Variants in TBL1XR1 observed in about 807,000 individuals in gnomAD.
The protein encoded by TBL1XR1 is TBL1X/Y related 1, also known as F-box-like/WD repeat-containing protein TBL1XR1.
A neutral mutation model predicts 66.9 loss-of-function variants in TBL1XR1; 5 were observed. The ratio of observed to expected loss-of-function variants is 0.07; its 90% confidence interval spans 0.04 to 0.16. The LOEUF (loss-of-function observed/expected upper bound fraction) is 0.16. Ranked by LOEUF, TBL1XR1 falls within the 10% of genes least tolerant of loss-of-function variation. TBL1XR1 has a pLI of 1.00. For synonymous variants in TBL1XR1, 210 were observed against 206.0 expected, an observed-to-expected ratio of 1.02 and a Z score of -0.17; for missense variants, 238 against 623.2, an observed-to-expected ratio of 0.38 and a Z score of 6.58.
intron 7 of TBL1XR1, 150 bp downstream of exon 7, chr3:177,049,847 G>C (rs1321146536): frequency 2.2e-5 from 17 of 769,746 alleles, no homozygotes; most frequent in Non-Finnish European, 3.1e-5. Context: ...CAGTGGGGGA[G>C]AGGGCTGGCA....
chr3:177,082,738 T>TTATATATATATATATATATATG (rs1721569104), intron 2 of TBL1XR1, among the ~76,000 whole-genome samples: 4 of 63,246 alleles, frequency 6.3e-5, no homozygotes, highest in Non-Finnish European at 1.2e-4. Flanking sequence ...AAGATAGAGA[T>TTATATATATATATATATATATG]TATATATATA....
chr3:177,173,232 T>G (rs573142642), intron 1 of TBL1XR1, among the ~76,000 whole-genome samples: 1 of 152,252 alleles, frequency 6.6e-6, no homozygotes, highest in South Asian at 2.1e-4. Flanking sequence ...TTAATTACCG[T>G]GGTGATTTTA....
At chr3:177,182,615 T>C (rs952141146) in intron 1 of TBL1XR1, among the ~76,000 whole-genome samples, 5 of 152,240 alleles carry the variant, frequency 3.3e-5, no homozygotes, top group Non-Finnish European at 5.9e-5. Flanking sequence ...AGGGTCAAGA[T>C]GGGTGAGAGA....
chr3:177,066,756 G>A (rs996989136), intron 2 of TBL1XR1, among the ~76,000 whole-genome samples: 1 of 152,126 alleles, frequency 6.6e-6, no homozygotes, highest in Non-Finnish European at 1.5e-5. Flanking sequence ...GTAACTGACT[G>A]GATGCATAGT....
At chr3:177,070,850 A>G (rs1560140492) in intron 2 of TBL1XR1, among the ~76,000 whole-genome samples, 1 of 138,126 alleles carries the variant, frequency 7.2e-6, no homozygotes, top group African/African-American at 2.7e-5. Context: ...CGTCTCAAAA[A>G]AAAAATAAAT....
chr3:177,154,144 A>C (rs1307363771), intron 1 of TBL1XR1, among the ~76,000 whole-genome samples: 1 of 152,114 alleles, frequency 6.6e-6, no homozygotes, highest in Non-Finnish European at 1.5e-5. Context: ...TCCTGTTTAA[A>C]AGAATCCCAT....
At chr3:177,105,392 G>A (rs1268665411) in intron 1 of TBL1XR1, among the ~76,000 whole-genome samples, 1 of 152,076 alleles carries the variant, frequency 6.6e-6, no homozygotes, top group Non-Finnish European at 1.5e-5. Context: ...CAGCAACGAA[G>A]ATCTAAGAAA....
chr3:177,158,732 G>A (rs563774088), intron 1 of TBL1XR1, among the ~76,000 whole-genome samples: 1 of 152,242 alleles, frequency 6.6e-6, no homozygotes, highest in East Asian at 1.9e-4. Context: ...CATCTGTGGC[G>A]CTTTAGGGAT....
At chr3:177,108,046 CAG>C (rs922476277) in intron 1 of TBL1XR1, among the ~76,000 whole-genome samples, 2 of 151,654 alleles carry the variant, frequency 1.3e-5, no homozygotes, top group Non-Finnish European at 2.9e-5. Flanking sequence ...GATAACACAC[CAG>C]ATATGGTCCA....
rs1384854547 is a variant in TBL1XR1 at position 177,051,593 on chromosome 3, G to GCTGCGGCAT, written c.337_338insATGCCGCAG (p.Ala112_Ala113insAspAlaAla). 1 of 1,613,502 alleles carries GCTGCGGCAT rather than the reference G, an allele frequency of 6.2e-7. No homozygotes were observed. Among genetic ancestry groups the GCTGCGGCAT allele is most frequent in the Admixed American group, 1.7e-5 (1 of 59,986 alleles). On this transcript the variant is annotated inframe_insertion, in exon 5 of 16. Coordinates refer to ENST00000457928, the MANE Select transcript of TBL1XR1 (RefSeq NM_024665.7). ...TTGTTGGCTGGCTGCAGCTGCGGCA[G>GCTGCGGCAT]CTGCAGCAGCTGCTGCCTGTTGCTG...
At chr3:177,193,855 A>C (rs1310547244) in intron 1 of TBL1XR1, among the ~76,000 whole-genome samples, 3 of 152,204 alleles carry the variant, frequency 2.0e-5, no homozygotes, top group African/African-American at 7.2e-5. Flanking sequence ...GTGTTCATTT[A>C]ATAATTTTGT....
intron 2 of TBL1XR1, among the ~76,000 whole-genome samples, chr3:177,076,556 A>G (rs561117776): frequency 2.0e-5 from 3 of 152,316 alleles, no homozygotes; most frequent in Admixed American, 6.5e-5. Context: ...AATTCAATCT[A>G]TAACAGTCAC....
intron 1 of TBL1XR1, among the ~76,000 whole-genome samples, chr3:177,132,073 C>A (rs1008164986): frequency 1.3e-5 from 2 of 152,158 alleles, no homozygotes; most frequent in Non-Finnish European, 2.9e-5. Flanking sequence ...AACCATGAAT[C>A]CCAAGAGCTA....
At chr3:177,052,049 G>C (rs1255804274) in intron 4 of TBL1XR1, among the ~76,000 whole-genome samples, 1 of 152,178 alleles carries the variant, frequency 6.6e-6, no homozygotes, top group Non-Finnish European at 1.5e-5. Flanking sequence ...AATTCTGTTA[G>C]TCAAAGCAAC....
chr3:177,193,091 T>G (rs939915059), intron 1 of TBL1XR1, among the ~76,000 whole-genome samples: 2 of 151,590 alleles, frequency 1.3e-5, no homozygotes, highest in African/African-American at 4.9e-5. Flanking sequence ...AGGCGGAGGT[T>G]GCAGTGAGCC....
chr3:177,050,759 A>G (rs1716956329), intron 5 of TBL1XR1, 149 bp from the exon 6 acceptor site: 2 of 482,442 alleles, frequency 4.1e-6, no homozygotes, highest in Admixed American at 5.2e-5. Context: ...ATGACTACAC[A>G]GTCTTAGTCA....
intron 1 of TBL1XR1, among the ~76,000 whole-genome samples, chr3:177,132,330 A>G (rs1728402242): frequency 6.6e-6 from 1 of 152,184 alleles, no homozygotes; most frequent in Admixed American, 6.5e-5. Context: ...ATATGGCCCT[A>G]CAGAAGGGGG....
chr3:177,038,522 A>C, intron 10 of TBL1XR1, 88 bp from the exon 11 acceptor site: 1 of 1,287,804 alleles, frequency 7.8e-7, no homozygotes, highest in Non-Finnish European at 1.0e-6. Context: ...TGACTAATAA[A>C]ATATACTAAC....
chr3:177,080,888 T>C (rs950956293), intron 2 of TBL1XR1, among the ~76,000 whole-genome samples: 1 of 152,240 alleles, frequency 6.6e-6, no homozygotes. Flanking sequence ...TGTTCCTTTA[T>C]ACTTCATTGC....
Sources: allele counts gnomAD v4.1 joint callset (sites outside exome capture counted in the v4.1 genomes callset), GRCh38; gene constraint gnomAD v4.1.1; transcripts MANE v1.5; gene names NCBI Gene and HGNC (gene_info 2026-07-23, HGNC 2026-07-21).